Variants in LRMDA observed in about 807,000 individuals in gnomAD.
LRMDA encodes the protein leucine-rich melanocyte differentiation-associated protein.
Under a neutral mutation model 29.8 loss-of-function variants are expected in LRMDA, and 18 were observed. That is an observed-to-expected ratio of 0.60 (90% confidence interval 0.42 to 0.90). The LOEUF is 0.90. Ranked by LOEUF, LRMDA falls within the 40% of genes least tolerant of loss-of-function variation. The probability of loss-of-function intolerance (pLI) is 0.00; values close to 1 mark genes in which losing one functional copy is unlikely to be tolerated. For synonymous variants in LRMDA, 125 were observed against 109.4 expected (o/e 1.14, Z -0.89); for missense variants, 273 against 273.9 (o/e 1.00, Z 0.02).
intron 2 of LRMDA, among the ~76,000 whole-genome samples, chr10:75,798,275 A>T (rs955059126): frequency 6.6e-6 from 1 of 151,696 alleles, no homozygotes. Context: ...TTATCTTTTC[A>T]TTTTTTTATG....
intron 6 of LRMDA, among the ~76,000 whole-genome samples, chr10:76,418,718 A>G (rs999864537): frequency 6.6e-6 from 1 of 152,022 alleles, no homozygotes; most frequent in African/African-American, 2.4e-5. Flanking sequence ...TAATTTTATT[A>G]TGTCTAATGA....
At chr10:75,941,023 G>C (rs1383649440) in intron 2 of LRMDA, among the ~76,000 whole-genome samples, 1 of 152,168 alleles carries the variant, frequency 6.6e-6, no homozygotes, top group Non-Finnish European at 1.5e-5. Context: ...TGAACAGCTA[G>C]CATTGGTGTC....
At chr10:75,480,563 G>A (rs1844844701) in intron 2 of LRMDA, among the ~76,000 whole-genome samples, 2 of 152,272 alleles carry the variant, frequency 1.3e-5, no homozygotes, top group African/African-American at 4.8e-5. Flanking sequence ...ATGAACAAGT[G>A]TATTCAAGGG....
At chr10:76,046,166 C>T (rs923978057) in intron 3 of LRMDA, among the ~76,000 whole-genome samples, 3 of 152,188 alleles carry the variant, frequency 2.0e-5, no homozygotes, top group Non-Finnish European at 4.4e-5. Context: ...CTCGAAGTCA[C>T]GGCCTAACCA....
At chr10:75,569,513 A>G (rs1392988975) in intron 2 of LRMDA, among the ~76,000 whole-genome samples, 1 of 152,232 alleles carries the variant, frequency 6.6e-6, no homozygotes, top group Non-Finnish European at 1.5e-5. Context: ...TTCCCCTGTC[A>G]GTTTAGCAAT....
intron 2 of LRMDA, among the ~76,000 whole-genome samples, chr10:75,950,471 C>A (rs954085522): frequency 1.3e-5 from 2 of 152,226 alleles, no homozygotes; most frequent in African/African-American, 4.8e-5. Flanking sequence ...CACACATGCC[C>A]CCTCTTTCCT....
chr10:75,983,109 A>G (rs1181244706), intron 2 of LRMDA, among the ~76,000 whole-genome samples: 2 of 152,276 alleles, frequency 1.3e-5, no homozygotes, highest in East Asian at 3.9e-4. Context: ...CCTCCACTTG[A>G]AGGCAGGGGG....
intron 5 of LRMDA, among the ~76,000 whole-genome samples, chr10:76,276,649 T>C (rs949884405): frequency 6.6e-6 from 1 of 150,476 alleles, no homozygotes. Flanking sequence ...ATGTGGATTA[T>C]TTTTTTTACA....
In LRMDA at chr10:76,226,165, C is replaced by T. The variant is rs1329626405; in HGVS notation, c.517-98236C>T. On this transcript the variant is annotated intron_variant, in intron 5 of 6. Transcript: ENST00000611255. ...AAAGAGATTTAATTGACTCACAGTT[C>T]CAGAAGGCTGGGGAGACCTCAGGAA... is the stretch of plus-strand genomic sequence containing the variant. Among the ~76,000 whole-genome samples, 4 of 152,044 alleles carry T rather than the reference C, an allele frequency of 2.6e-5. 1 individual carries two copies. The highest frequency in any genetic ancestry group is 4.2e-4 in the South Asian group (2 of 4,818).
chr10:76,357,005 A>G lies in LRMDA; in HGVS notation c.601+32520A>G, dbSNP rs115205470. ...TGGAGAACTAGGAAAATATAGTCAA[A>G]TAAGAAAGGTACAACAAGATGTGAG... On this transcript the variant is annotated intron_variant, in intron 6 of 6. Transcript: ENST00000611255. Among the ~76,000 whole-genome samples, 822 of 152,304 alleles carry G rather than the reference A, an allele frequency of 5.4e-3. 14 individuals carry two copies. Among genetic ancestry groups the G allele is most frequent in the African/African-American group, 0.018 (748 of 41,564 alleles).
intron 6 of LRMDA, among the ~76,000 whole-genome samples, chr10:76,345,067 T>C: frequency 7.7e-6 from 1 of 130,372 alleles, no homozygotes. Context: ...AACCTTTTTT[T>C]TTTTTTTTTT....
At chr10:76,502,690 T>A (rs1418081585) in intron 6 of LRMDA, among the ~76,000 whole-genome samples, 1 of 151,976 alleles carries the variant, frequency 6.6e-6, no homozygotes, top group Non-Finnish European at 1.5e-5. Flanking sequence ...ATGCTGCTGA[T>A]TTTTGTACAT....
chr10:75,591,261 G>T (rs1210725718), intron 2 of LRMDA, among the ~76,000 whole-genome samples: 3 of 152,112 alleles, frequency 2.0e-5, no homozygotes, highest in African/African-American at 7.2e-5. Context: ...TGCAAATATG[G>T]CTCAACATGT....
chr10:75,475,371 GA>G (rs1844777282), intron 2 of LRMDA, among the ~76,000 whole-genome samples: 1 of 150,066 alleles, frequency 6.7e-6, no homozygotes, highest in African/African-American at 2.5e-5. Context: ...CCTGGGTGAG[GA>G]AGGAGTCGTG....
intron 2 of LRMDA, among the ~76,000 whole-genome samples, chr10:75,618,735 AAAG>A (rs2132104778): frequency 6.7e-6 from 1 of 150,272 alleles, no homozygotes; most frequent in African/African-American, 2.4e-5. Flanking sequence ...AAGCTAGAAA[AAAG>A]AAATTAAGGA....
At chr10:75,631,211 C>G (rs74147138) in intron 2 of LRMDA, among the ~76,000 whole-genome samples, 6 of 152,232 alleles carry the variant, frequency 3.9e-5, no homozygotes, top group African/African-American at 1.4e-4. Context: ...TTTTAACATG[C>G]CCAAGACCTC....
chr10:76,074,400 A>AGCATTATT (rs1228944374), intron 5 of LRMDA, among the ~76,000 whole-genome samples: 1 of 152,224 alleles, frequency 6.6e-6, no homozygotes, highest in Non-Finnish European at 1.5e-5. Context: ...CTTCTTGTGC[A>AGCATTATT]GCATTATTCA....
intron 2 of LRMDA, among the ~76,000 whole-genome samples, chr10:75,976,389 G>T (rs572432219): frequency 6.6e-6 from 1 of 152,232 alleles, no homozygotes. Flanking sequence ...CTTATAACTG[G>T]CAGTCTCTCT....
chr10:75,892,629 A>G (rs1479232236), intron 2 of LRMDA, among the ~76,000 whole-genome samples: 1 of 152,068 alleles, frequency 6.6e-6, no homozygotes, highest in East Asian at 1.9e-4. Context: ...TTGGCTATGG[A>G]AGGATGGTAA....
Sources: gnomAD v4.1 joint callset for allele counts (sites outside exome capture counted in the v4.1 genomes callset) on GRCh38, gnomAD v4.1.1 for gene constraint, MANE v1.5 for transcripts, NCBI Gene and HGNC (gene_info 2026-07-23, HGNC 2026-07-21) for gene names.